BAZ1A: variants seen among roughly 807,000 people sequenced by gnomAD.
BAZ1A encodes bromodomain adjacent to zinc finger domain protein 1A.
A neutral mutation model predicts 185.2 loss-of-function variants in BAZ1A; 50 were observed. That is an observed-to-expected ratio of 0.27 (90% confidence interval 0.22 to 0.34). The LOEUF (loss-of-function observed/expected upper bound fraction) is 0.34. Among genes scored for constraint, BAZ1A ranks in the 10% least tolerant of loss-of-function variants. The pLI is 1.00. For synonymous variants in BAZ1A, 571 were observed against 615.6 expected (o/e 0.93, Z 1.07); for missense variants, 1,356 against 1,839.9 (o/e 0.74, Z 4.81).
At chr14:34,846,576 T>C (rs2042515808) in intron 3 of BAZ1A, among the ~76,000 whole-genome samples, 1 of 152,096 alleles carries the variant, frequency 6.6e-6, no homozygotes, top group Non-Finnish European at 1.5e-5. Flanking sequence ...GAATTAAATG[T>C]TTAGAAACAG....
chr14:34,835,600 A>T (rs964166405), intron 3 of BAZ1A, among the ~76,000 whole-genome samples: 13 of 151,966 alleles, frequency 8.6e-5, no homozygotes, highest in African/African-American at 1.2e-4. Flanking sequence ...ACTGTGGAAC[A>T]GGAGCAAGTA....
chr14:34,847,378 T>C (rs539797780), intron 3 of BAZ1A, among the ~76,000 whole-genome samples: 7 of 152,072 alleles, frequency 4.6e-5, no homozygotes, highest in South Asian at 4.1e-4. Flanking sequence ...AGGAGCAGGA[T>C]TGAGAAAAAA....
At chr14:34,822,542 G>T (rs1287310844) in intron 4 of BAZ1A, among the ~76,000 whole-genome samples, 1 of 151,978 alleles carries the variant, frequency 6.6e-6, no homozygotes, top group Admixed American at 6.6e-5. Flanking sequence ...GAGCCCAGGA[G>T]GTCGAGGCTG....
Position 34,874,465 on chromosome 14 carries a change from C to T in BAZ1A, c.113+27G>A. On this transcript the variant is annotated intron_variant, in intron 2 of 26. Coordinates refer to ENST00000360310, the MANE Select transcript of BAZ1A (RefSeq NM_013448.3). The surrounding 1 kb of genome is among the most constrained non-coding windows in gnomAD (Gnocchi z 4.7). ...GCGGGGGGAGTCCCCACACCCCCCG[C>T]GGCCCCGCACACGGCCCGGCTCTTA... 6.3e-7 allele frequency: 1 copy of T among 1,590,314 alleles called. No homozygotes were observed. Among genetic ancestry groups the T allele is most frequent in the Non-Finnish European group, 8.6e-7 (1 of 1,159,754 alleles).
intron 16 of BAZ1A, among the ~76,000 whole-genome samples, chr14:34,781,790 A>G (rs1192224294): frequency 6.6e-6 from 1 of 152,104 alleles, no homozygotes; most frequent in African/African-American, 2.4e-5. Flanking sequence ...AGCCACCGCA[A>G]TTGGTCGTGA....
intron 12 of BAZ1A, among the ~76,000 whole-genome samples, chr14:34,791,044 C>T (rs1336674516): frequency 6.6e-6 from 1 of 152,078 alleles, no homozygotes; most frequent in East Asian, 1.9e-4. Flanking sequence ...ATCGCTTGAA[C>T]CCGGGAGGCG....
chr14:34,803,973 ATTTG>A lies in BAZ1A; in HGVS notation c.727-989_727-986del, dbSNP rs372562070. On this transcript the variant is annotated intron_variant, in intron 6 of 26. Coordinates refer to ENST00000360310, the MANE Select transcript of BAZ1A (RefSeq NM_013448.3). ...TATCTCCTTTTACCTTGTATCTAGA[ATTTG>A]TTTGCCTTTTAAAGTTTTTTTAATT... Among the ~76,000 whole-genome samples the A allele has an allele frequency of 3.2e-4, 48 of 152,198 alleles. No individual in the cohort carries two copies. The East Asian group carries it at 8.1e-3, about 26-fold the overall frequency.
chr14:34,812,210 A>G (rs1248258046), intron 4 of BAZ1A, among the ~76,000 whole-genome samples: 1 of 150,904 alleles, frequency 6.6e-6, no homozygotes, highest in Non-Finnish European at 1.5e-5. Context: ...AGAGGTTGAT[A>G]TTTAAGCAGA....
intron 23 of BAZ1A, among the ~76,000 whole-genome samples, chr14:34,764,296 T>C (rs1022298945): frequency 8.7e-4 from 126 of 145,396 alleles, no homozygotes; most frequent in Non-Finnish European, 1.3e-3. Flanking sequence ...TTTCTTTTTT[T>C]TTTTTTTTTT....
At chr14:34,826,242 A>C in intron 3 of BAZ1A, 86 bp from the exon 4 acceptor site, 2 of 1,424,310 alleles carry the variant, frequency 1.4e-6, no homozygotes, top group Non-Finnish European at 1.9e-6. Flanking sequence ...GTTTTGAACT[A>C]GTTATTTTGT....
intron 2 of BAZ1A, among the ~76,000 whole-genome samples, chr14:34,868,806 AAAACAG>A (rs1159398262): frequency 6.6e-6 from 1 of 151,814 alleles, no homozygotes; most frequent in African/African-American, 2.4e-5. Context: ...GTCTCAAAAA[AAAACAG>A]AAACAAAGTA....
chr14:34,762,812 G>A (rs1051940837), intron 23 of BAZ1A, among the ~76,000 whole-genome samples: 2 of 152,162 alleles, frequency 1.3e-5, no homozygotes, highest in Admixed American at 1.3e-4. Flanking sequence ...TGAAAATTAA[G>A]TCCTAAATTC....
At chr14:34,763,385 A>G (rs1878559549) in intron 23 of BAZ1A, among the ~76,000 whole-genome samples, 1 of 146,136 alleles carries the variant, frequency 6.8e-6, no homozygotes, top group African/African-American at 2.5e-5. Flanking sequence ...CTTCATACTC[A>G]TTTTCCTGCT....
At chr14:34,830,089 G>C (rs754238424) in intron 3 of BAZ1A, among the ~76,000 whole-genome samples, 2 of 152,152 alleles carry the variant, frequency 1.3e-5, no homozygotes, top group Non-Finnish European at 2.9e-5. Flanking sequence ...TTGAAAAACA[G>C]TGTGACAACT....
chr14:34,864,016 TCTCA>T, intron 2 of BAZ1A, among the ~76,000 whole-genome samples: 1 of 151,698 alleles, frequency 6.6e-6, no homozygotes, highest in Admixed American at 6.6e-5. Flanking sequence ...AGAGATGGGG[TCTCA>T]CTATGTTGCC....
Position 34,856,598 on chromosome 14 carries a change from C to T in BAZ1A, c.392+5446G>A, listed in dbSNP as rs191070933. On this transcript the variant is annotated intron_variant, in intron 3 of 26. Transcript: ENST00000360310. ...TGAGGCCGGGTGCGGTGGCTCATAC[C>T]TTTAGTCGCAGCACTTTGAAAGGCT... Among the ~76,000 whole-genome samples the T allele has an allele frequency of 3.6e-3, 542 of 152,104 alleles. 5 individuals are homozygous for T. Among genetic ancestry groups the T allele is most frequent in the African/African-American group, 0.012 (509 of 41,508 alleles).
At chr14:34,806,539 T>C (rs1170422728) in intron 6 of BAZ1A, among the ~76,000 whole-genome samples, 1 of 152,100 alleles carries the variant, frequency 6.6e-6, no homozygotes, top group East Asian at 1.9e-4. Context: ...GGCTCCATTC[T>C]ATTGCTTTTT....
chr14:34,832,467 C>T (rs892879263), intron 3 of BAZ1A, among the ~76,000 whole-genome samples: 2 of 148,036 alleles, frequency 1.4e-5, no homozygotes, highest in African/African-American at 4.9e-5. Context: ...AAAAAAAAAC[C>T]CCAAACCACT....
Position 34,786,160 on chromosome 14 carries a change from T to C in BAZ1A, c.1572A>G (p.Ala524=), listed in dbSNP as rs150798086. 29 of 1,612,490 alleles carry C rather than the reference T, an allele frequency of 1.8e-5. No homozygotes were observed. Among genetic ancestry groups the C allele is most frequent in the Middle Eastern group, 3.3e-4 (2 of 6,082 alleles). The stretch of plus-strand genomic sequence containing the variant: ...ACTGTGGCCATGCAGCTGCCAAAGA[T>C]GCAACTGCAGACAGTGCAGATTTTG... ...DPTKSALSAV[A]SLAAAWPQLH... is the part of the protein sequence containing the mutation. Residue 524 remains alanine (A), a synonymous_variant, in exon 13 of 27, where the codon GCA becomes GCG. Coordinates refer to ENST00000360310, the MANE Select transcript of BAZ1A (RefSeq NM_013448.3).
Sources: gnomAD v4.1 joint callset for allele counts (sites outside exome capture counted in the v4.1 genomes callset) on GRCh38, gnomAD v4.1.1 for gene constraint, Gnocchi (gnomAD v3.1) non-coding constraint, MANE v1.5 for transcripts, NCBI Gene and HGNC (gene_info 2026-07-23, HGNC 2026-07-21) for gene names.